The following STAT1 variants were observed in gnomAD, a reference collection of about 807,000 sequenced individuals.
The protein encoded by STAT1 is signal transducer and activator of transcription 1-alpha/beta.
In STAT1, 24 loss-of-function variants were observed where a neutral mutation model predicts 111.7. The ratio of observed to expected loss-of-function variants is 0.21; its 90% CI spans 0.16 to 0.30. The LOEUF (loss-of-function observed/expected upper bound fraction) is 0.30. STAT1 is among the 10% of genes least tolerant of loss of function. The pLI, the probability that STAT1 is intolerant of heterozygous loss-of-function variation, is 1.00. For synonymous variants in STAT1, 332 were observed against 326.5 expected, an observed-to-expected ratio of 1.02 and a Z score of -0.18; for missense variants, 351 against 911.9, an observed-to-expected ratio of 0.38 and a Z score of 7.92.
chr2:191,000,459 G>A lies in STAT1; in HGVS notation c.462+615C>T, dbSNP rs1467858633. ...CACAGAGGACCAAACCCCTAAGCTGGAAGGCCTTTTCCACAAACACAGGCC... is the reference window on the plus strand; with the variant it reads ...CACAGAGGACCAAACCCCTAAGCTGAAAGGCCTTTTCCACAAACACAGGCC... On this transcript the variant is annotated intron_variant, in intron 6 of 24. Coordinates refer to ENST00000361099, the MANE Select transcript of STAT1 (RefSeq NM_007315.4). The surrounding 1 kb of genome is among the most constrained non-coding windows in gnomAD (Gnocchi z 4.8). 1.3e-5 allele frequency among the ~76,000 whole-genome samples: 2 copies of A among 151,980 alleles called. No individual in the cohort carries two copies. The highest frequency in any genetic ancestry group is 4.8e-5 in the African/African-American group (2 of 41,414).
At position 190,996,938 on chromosome 2, in the gene STAT1, T is replaced by C. The variant is rs1290174680; in HGVS notation, c.785+918A>G. Reference sequence around the variant, plus strand: ...CAGGCTGTGGCCAGAGTGCCCTTTCTAAATCAAAGATCAGAGAAATACATC... The same window carrying C: ...CAGGCTGTGGCCAGAGTGCCCTTTCCAAATCAAAGATCAGAGAAATACATC... On this transcript the variant is annotated intron_variant, in intron 9 of 24. Coordinates refer to ENST00000361099, the MANE Select transcript of STAT1 (RefSeq NM_007315.4). This position sits in a 1 kb window ranked among gnomAD's most constrained non-coding sequence, Gnocchi z 4.5. 6.6e-6 allele frequency among the ~76,000 whole-genome samples: 1 copy of C among 152,174 alleles called. No individual in the cohort carries two copies. The highest frequency in any genetic ancestry group is 2.4e-5 in the African/African-American group (1 of 41,440).
In STAT1 at chr2:190,994,914, CAA is replaced by C. The variant is rs1220419590; in HGVS notation, c.944+145_944+146del. The C allele has an allele frequency of 1.6e-3, 156 of 97,244 alleles. 1 individual carries two copies. The highest frequency in any genetic ancestry group is 6.0e-3 in the African/African-American group (119 of 19,866). 6.0% of individuals were successfully genotyped at this position (97,244 alleles called of 1,614,324 possible). ...CTGGGTGATAGGTGAGACTCTATCTCAAAAAAAAAAAAAATATATATATATAT... is the reference window on the plus strand; with the variant it reads ...CTGGGTGATAGGTGAGACTCTATCTCAAAAAAAAAAAATATATATATATAT... On this transcript the variant is annotated intron_variant, in intron 10 of 24. Transcript: ENST00000361099.
chr2:190,997,954 A>G lies in STAT1; in HGVS notation c.687T>C (p.Asn229=). Residue 229 remains asparagine, a synonymous_variant, in exon 9 of 25, where the codon AAT becomes AAC. Coordinates refer to ENST00000361099, the MANE Select transcript of STAT1 (RefSeq NM_007315.4). This position sits in a 1 kb window ranked among gnomAD's most constrained non-coding sequence, Gnocchi z 7.3. ...ELLNVTELTQ[N]ALINDELVEW... is the part of the protein sequence containing the mutation. ...CCACTAGTTCATCATTAATCAGGGCATTCTGGGTAAGTTCAGTGACATTCA... is the reference window on the plus strand; with the variant it reads ...CCACTAGTTCATCATTAATCAGGGCGTTCTGGGTAAGTTCAGTGACATTCA... 1 of 1,614,240 alleles carries G rather than the reference A, an allele frequency of 6.2e-7. No individual in the cohort carries two copies. The highest frequency in any genetic ancestry group is 8.5e-7 in the Non-Finnish European group (1 of 1,180,044).
At chr2:190,985,489 C>T (rs1692732135) in intron 15 of STAT1, 130 bp downstream of exon 15, 1 of 888,402 alleles carries the variant, frequency 1.1e-6, no homozygotes, top group Non-Finnish European at 1.9e-6. Context: ...ACCAAATACC[C>T]AGCTCCTTTG....
rs1454131316 is a variant in STAT1, at chr2:190,990,238, G to A, written c.1038-564C>T. ...GAGACCCCGGGGCTCTGTCTGCTCC[G>A]TTCAGTGGAGCAGGTGGATGGGATC... On this transcript the variant is annotated intron_variant, in intron 11 of 24. Transcript: ENST00000361099. The surrounding 1 kb of genome is among the most constrained non-coding windows in gnomAD (Gnocchi z 5.1). Among the ~76,000 whole-genome samples the A allele has an allele frequency of 6.6e-6, 1 of 152,178 alleles. No homozygotes were observed. The highest frequency in any genetic ancestry group is 1.5e-5 in the Non-Finnish European group (1 of 68,034).
rs1695189519 is a variant in STAT1 at position 191,012,239 on chromosome 2, C to T, written c.-2+1286G>A. The stretch of plus-strand genomic sequence containing the variant: ...ACCAGCCTGGGCAACATGGTGAAAC[C>T]TTGTCTCTACTAAAATACAAAAAAA... On this transcript the variant is annotated intron_variant, in intron 2 of 24. Transcript: ENST00000361099. This position sits in a 1 kb window ranked among gnomAD's most constrained non-coding sequence, Gnocchi z 4.0. Among the ~76,000 whole-genome samples the T allele has an allele frequency of 6.6e-6, 1 of 151,724 alleles. No individual in the cohort carries two copies. The highest frequency in any genetic ancestry group is 2.1e-4 in the South Asian group (1 of 4,812).
chr2:191,011,319 T>C (rs1225051801), intron 2 of STAT1, among the ~76,000 whole-genome samples: 1 of 152,170 alleles, frequency 6.6e-6, no homozygotes, highest in Non-Finnish European at 1.5e-5. Context: ...AATAAGGATC[T>C]ACCTAAAGCA....
At chr2:191,008,325 A>AAAT in intron 4 of STAT1, among the ~76,000 whole-genome samples, 1 of 152,342 alleles carries the variant, frequency 6.6e-6, no homozygotes, top group Middle Eastern at 3.4e-3. Context: ...ACCTCCATTA[A>AAAT]AACAGAAAAG....
rs1692360742 is a variant in STAT1, at chr2:190,981,172, C to T, written c.1583-503G>A. ...AAGCCTCCCTATCCAGTGCCTCTTC[C>T]CACTGCCTTCCTCTGCTGCTCAGCA... On this transcript the variant is annotated intron_variant, in intron 18 of 24. Coordinates refer to ENST00000361099, the MANE Select transcript of STAT1 (RefSeq NM_007315.4). The surrounding 1 kb of genome is among the most constrained non-coding windows in gnomAD (Gnocchi z 4.1). 6.6e-6 allele frequency among the ~76,000 whole-genome samples: 1 copy of T among 152,172 alleles called. No individual in the cohort carries two copies. Among genetic ancestry groups the T allele is most frequent in the Admixed American group, 6.5e-5 (1 of 15,284 alleles).
Position 190,996,058 on chromosome 2 carries a change from A to G in STAT1, c.786-839T>C, listed in dbSNP as rs909680181. On this transcript the variant is annotated intron_variant, in intron 9 of 24. Transcript: ENST00000361099. This position sits in a 1 kb window ranked among gnomAD's most constrained non-coding sequence, Gnocchi z 4.5. ...GGGGCAGAGGGGCAGGAGGAGAGAC[A>G]GAGATGGGAGACAAGGCCGGGGACA... 2.0e-5 allele frequency among the ~76,000 whole-genome samples: 3 copies of G among 152,192 alleles called. No individual in the cohort carries two copies. Among genetic ancestry groups the G allele is most frequent in the South Asian group, 2.1e-4 (1 of 4,832 alleles).
rs772666855 is a variant in STAT1, at chr2:190,987,953, G to A, written c.1098-885C>T. 5.9e-5 allele frequency among the ~76,000 whole-genome samples: 9 copies of A among 152,238 alleles called. No individual in the cohort carries two copies. The highest frequency in any genetic ancestry group is 1.3e-4 in the Non-Finnish European group (9 of 68,036). ...TAAGAAGACCGTCAGAGCTGGAACC[G>A]ACAGAAAAGACACAAGGGCCCGAAG... On this transcript the variant is annotated intron_variant, in intron 12 of 24. Coordinates refer to ENST00000361099, the MANE Select transcript of STAT1 (RefSeq NM_007315.4). The surrounding 1 kb of genome is among the most constrained non-coding windows in gnomAD (Gnocchi z 4.0).
chr2:190,992,461 T>C (rs1293923404), intron 10 of STAT1, among the ~76,000 whole-genome samples: 1 of 151,940 alleles, frequency 6.6e-6, no homozygotes, highest in Non-Finnish European at 1.5e-5. Context: ...TTAGCTGTCT[T>C]GAGTCAAGAG....
At chr2:190,992,087 C>T (rs1166409911) in intron 10 of STAT1, among the ~76,000 whole-genome samples, 1 of 152,118 alleles carries the variant, frequency 6.6e-6, no homozygotes, top group Non-Finnish European at 1.5e-5. Flanking sequence ...TGTTTTGTTA[C>T]ATAGTATGCA....
Position 190,970,670 on chromosome 2 carries a change from C to T in STAT1, c.*33G>A, listed in dbSNP as rs1369475742. The T allele has an allele frequency of 6.2e-7, 1 of 1,610,172 alleles. No homozygotes were observed. ...AGGGAATCACAGATGAGAAGGAAAA[C>T]TGTCGCCAGAGAAGATGAAAAAAAT... On this transcript the variant is annotated 3_prime_UTR_variant, in exon 25 of 25. Coordinates refer to ENST00000361099, the MANE Select transcript of STAT1 (RefSeq NM_007315.4). The surrounding 1 kb of genome is among the most constrained non-coding windows in gnomAD (Gnocchi z 5.4).
rs904359395 is a variant in STAT1 at position 190,974,743 on chromosome 2, C to T, written c.2238+87G>A. 1 of 1,217,392 alleles carries T rather than the reference C, an allele frequency of 8.2e-7. No homozygotes were observed. Among genetic ancestry groups the T allele is most frequent in the Non-Finnish European group, 1.2e-6 (1 of 823,568 alleles). 75.4% of individuals were successfully genotyped at this position (1,217,392 alleles called of 1,614,324 possible). A position where few individuals can be genotyped will look rare whatever the true frequency, so the allele number is the denominator to read the frequency against. On this transcript the variant is annotated intron_variant, in intron 24 of 24. Transcript: ENST00000361099. This position sits in a 1 kb window ranked among gnomAD's most constrained non-coding sequence, Gnocchi z 4.8. ...CTCCGCCAGGGCTCCCTCCCGCAGA[C>T]AGGCCCGGGATCTGCCATGGTGCGC...
chr2:190,985,634 G>A lies in STAT1; in HGVS notation c.1248C>T (p.Gly416=), dbSNP rs140787216. The change falls in exon 15 of 25, where the codon GGC becomes GGT. Residue 416 remains glycine (G), a synonymous_variant. Coordinates refer to ENST00000361099, the MANE Select transcript of STAT1 (RefSeq NM_007315.4). ...HLQLKEQKNA[G]TRTNEGPLIV... is the part of the protein sequence containing the mutation. ...GGACTCTCACCTCATTCGTTCTGGT[G>A]CCAGCATTTTTCTGTTCTTTCAATT... 21 of 1,614,156 alleles carry A rather than the reference G, an allele frequency of 1.3e-5. No individual in the cohort carries two copies. The highest frequency in any genetic ancestry group is 1.7e-5 in the Non-Finnish European group (20 of 1,180,006).
intron 1 of STAT1, 46 bp downstream of exon 1, chr2:191,013,972 C>A: frequency 3.7e-6 from 1 of 267,154 alleles, no homozygotes; most frequent in Non-Finnish European, 7.0e-6. Context: ...AGGACTCTGT[C>A]CCTGCGCGTC....
chr2:190,994,644 G>C (rs1213567357), intron 10 of STAT1, among the ~76,000 whole-genome samples: 1 of 152,112 alleles, frequency 6.6e-6, no homozygotes, highest in Non-Finnish European at 1.5e-5. Flanking sequence ...TTTGAGGCCA[G>C]GCACAGTGGC....
Position 191,001,097 on chromosome 2 carries a change from T to C in STAT1, c.439A>G (p.Arg147Gly), listed in dbSNP as rs751041198. The C allele has an allele frequency of 1.2e-6, 2 of 1,613,938 alleles. No homozygotes were observed. The highest frequency in any genetic ancestry group is 8.5e-7 in the Non-Finnish European group (1 of 1,179,778). ...ACCATAACCTTGTCCTTCACATTTCTGACTTTACTGTCAAGCTCTTTCTGT... is the reference window on the plus strand; with the variant it reads ...ACCATAACCTTGTCCTTCACATTTCCGACTTTACTGTCAAGCTCTTTCTGT... Reference protein sequence around the residue: ...DKQKELDSKVRNVKDKVMCIE... With the variant: ...DKQKELDSKVGNVKDKVMCIE... The change falls in exon 6 of 25, where the codon AGA becomes GGA. Residue 147 changes from arginine to glycine, a missense_variant. By Grantham distance (125) the Arg-to-Gly change is moderately radical. Transcript: ENST00000361099.
Sources: allele counts gnomAD v4.1 joint callset (sites outside exome capture counted in the v4.1 genomes callset), GRCh38; gene constraint gnomAD v4.1.1; non-coding constraint Gnocchi (gnomAD v3.1); transcripts MANE v1.5; gene names NCBI Gene and HGNC (gene_info 2026-07-23, HGNC 2026-07-21).